PARD3B: variants seen among roughly 807,000 people sequenced by gnomAD.
The protein encoded by PARD3B is partitioning defective 3 homolog B.
In PARD3B, 103 loss-of-function variants were observed where a neutral mutation model predicts 130.2. That is an observed-to-expected ratio of 0.79 (90% CI 0.67 to 0.93). The LOEUF is 0.93. PARD3B is among the 40% of genes least tolerant of loss of function. The pLI is 0.00. For missense variants in PARD3B, 1,609 were observed against 1,499.2 expected, an observed-to-expected ratio of 1.07 and a Z score of -1.21; for synonymous variants, 583 against 553.2, an observed-to-expected ratio of 1.05 and a Z score of -0.76.
chr2:205,141,765 A>T (rs2032974637), intron 10 of PARD3B, among the ~76,000 whole-genome samples: 1 of 152,214 alleles, frequency 6.6e-6, no homozygotes, highest in Non-Finnish European at 1.5e-5. Flanking sequence ...CCATTTGATG[A>T]TGGTGATGGT....
chr2:205,266,900 C>T (rs1473845185), intron 16 of PARD3B, among the ~76,000 whole-genome samples: 1 of 152,046 alleles, frequency 6.6e-6, no homozygotes, highest in African/African-American at 2.4e-5. Context: ...AGTTTTAGGG[C>T]TTGTTATTGA....
intron 16 of PARD3B, among the ~76,000 whole-genome samples, chr2:205,275,520 A>G (rs1315246203): frequency 6.6e-6 from 1 of 152,112 alleles, no homozygotes; most frequent in Non-Finnish European, 1.5e-5. Flanking sequence ...TATTTTATCT[A>G]TTGAAAATCA....
chr2:204,563,257 C>CTCTCTCTCTCTCTCTCTT (rs1553542030), intron 1 of PARD3B, among the ~76,000 whole-genome samples: 34 of 142,758 alleles, frequency 2.4e-4, no homozygotes, highest in African/African-American at 8.9e-4. Context: ...CTCTCTCTCT[C>CTCTCTCTCTCTCTCTCTT]TCTCTCTCTT....
rs182091766 is a variant in PARD3B at position 205,518,942 on chromosome 2, C to T, written c.3180+18911C>T. Among the ~76,000 whole-genome samples, 801 of 152,270 alleles carry T rather than the reference C, an allele frequency of 5.3e-3. 2 individuals carry two copies. The highest frequency in any genetic ancestry group is 8.7e-3 in the Non-Finnish European group (595 of 68,022). The stretch of plus-strand genomic sequence containing the variant: ...ACTCTTCTGGCTTGTAGGATTTCAG[C>T]CGAGAGGTCTGCCATTAGCCTCGAT... On this transcript the variant is annotated intron_variant, in intron 21 of 22. Coordinates refer to ENST00000406610, the MANE Select transcript of PARD3B (RefSeq NM_001302769.2).
At position 205,121,743 on chromosome 2, in the gene PARD3B, C is replaced by T. The variant is rs766707171; in HGVS notation, c.959C>T (p.Pro320Leu). The T allele has an allele frequency of 1.2e-6, 2 of 1,614,120 alleles. No homozygotes were observed. The highest frequency in any genetic ancestry group is 3.3e-5 in the Admixed American group (2 of 60,000). ...GGCGTTTTGAAAACCAAAGTGCCGC[C>T]TCCTGTCCATGGAAAATCGGGACTA... is the stretch of plus-strand genomic sequence containing the variant. ...NDGVLKTKVPPPVHGKSGLKT... is the reference protein window; with the variant it reads ...NDGVLKTKVPLPVHGKSGLKT... The change falls in exon 8 of 23, where the codon CCT becomes CTT. Residue 320 changes from proline (P) to leucine (L), a missense_variant. Transcript: ENST00000406610. This position sits in a 1 kb window ranked among gnomAD's most constrained non-coding sequence, Gnocchi z 5.0.
At chr2:205,518,956 A>T (rs1466984361) in intron 21 of PARD3B, among the ~76,000 whole-genome samples, 1 of 152,148 alleles carries the variant, frequency 6.6e-6, no homozygotes, top group African/African-American at 2.4e-5. Context: ...GAGGTCTGCC[A>T]TTAGCCTCGA....
chr2:205,259,135 A>G lies in PARD3B; in HGVS notation c.2185+13313A>G, dbSNP rs115507228. Among the ~76,000 whole-genome samples the G allele has an allele frequency of 9.7e-3, 1,471 of 152,208 alleles. 18 individuals are homozygous for G. The highest frequency in any genetic ancestry group is 0.018 in the African/African-American group (741 of 41,550). ...TATTTTTTGGTCCCGCAAATTATAT[A>G]TTAATTTCAGTGTTTTATGCATTCA... On this transcript the variant is annotated intron_variant, in intron 16 of 22. Transcript: ENST00000406610.
chr2:205,364,012 C>T (rs1176512761), intron 18 of PARD3B, among the ~76,000 whole-genome samples: 1 of 151,804 alleles, frequency 6.6e-6, no homozygotes, highest in African/African-American at 2.4e-5. Context: ...GTGAACACAG[C>T]GAAGGCACCC....
At chr2:204,687,201 T>C (rs1245379298) in intron 2 of PARD3B, among the ~76,000 whole-genome samples, 1 of 152,194 alleles carries the variant, frequency 6.6e-6, no homozygotes, top group Non-Finnish European at 1.5e-5. Flanking sequence ...GTGAAGTTTA[T>C]ATTTTTCTTT....
intron 2 of PARD3B, among the ~76,000 whole-genome samples, chr2:204,828,169 G>A (rs534360418): frequency 6.6e-6 from 1 of 152,262 alleles, no homozygotes; most frequent in South Asian, 2.1e-4. Flanking sequence ...TATTTCTGAT[G>A]CATCACAGTT....
At chr2:204,965,081 G>T in intron 2 of PARD3B, 71 bp from the exon 3 acceptor site, 3 of 1,447,008 alleles carry the variant, frequency 2.1e-6, no homozygotes, top group South Asian at 2.7e-5. Context: ...TAAAGATCAC[G>T]TTCAGCTAGA....
chr2:204,810,486 A>G (rs943975426), intron 2 of PARD3B, among the ~76,000 whole-genome samples: 2 of 152,270 alleles, frequency 1.3e-5, no homozygotes, highest in African/African-American at 2.4e-5. Flanking sequence ...GAATTTTATC[A>G]AAAGCCTTTT....
chr2:204,576,296 T>C (rs1217932264), intron 1 of PARD3B, among the ~76,000 whole-genome samples: 1 of 152,198 alleles, frequency 6.6e-6, no homozygotes, highest in East Asian at 1.9e-4. Flanking sequence ...CTTGCTACAC[T>C]AGAAGTTTGT....
Position 205,616,146 on chromosome 2 carries a change from CT to C in PARD3B, c.*334del. 1 of 271,792 alleles carries C rather than the reference CT, an allele frequency of 3.7e-6. No homozygotes were observed. Among genetic ancestry groups the C allele is most frequent in the Non-Finnish European group, 6.9e-6 (1 of 144,508 alleles). The allele number at this position is 271,792 out of a possible 1,614,324, so 16.8% of individuals were successfully genotyped here. A position where few individuals can be genotyped will look rare whatever the true frequency, so the allele number is the denominator to read the frequency against. On this transcript the variant is annotated 3_prime_UTR_variant, in exon 23 of 23. Coordinates refer to ENST00000406610, the MANE Select transcript of PARD3B (RefSeq NM_001302769.2). ...TGGAACTCTACTCTGGGGATCCTCT[CT>C]GGCTAGATAACCTGTGCTGATGTGC...
chr2:205,376,549 T>G (rs2045061534), intron 18 of PARD3B, among the ~76,000 whole-genome samples: 1 of 152,182 alleles, frequency 6.6e-6, no homozygotes, highest in Non-Finnish European at 1.5e-5. Flanking sequence ...TTTAGTCTGC[T>G]GGTTTCTGTC....
chr2:205,022,870 A>G (rs1387581196), intron 3 of PARD3B, among the ~76,000 whole-genome samples: 2 of 152,172 alleles, frequency 1.3e-5, no homozygotes, highest in African/African-American at 2.4e-5. Context: ...GCATCCTTCT[A>G]CATCTTTCTC....
At chr2:205,448,965 G>A (rs1047310529) in intron 20 of PARD3B, among the ~76,000 whole-genome samples, 17 of 151,918 alleles carry the variant, frequency 1.1e-4, no homozygotes, top group Middle Eastern at 3.4e-3. Flanking sequence ...TCAGGAGTTC[G>A]AGACCAGCCT....
Position 204,664,638 on chromosome 2 carries a change from G to A in PARD3B, c.121-21543G>A, listed in dbSNP as rs1280981457. Among the ~76,000 whole-genome samples the A allele has an allele frequency of 6.6e-6, 1 of 152,106 alleles. No individual in the cohort carries two copies. Among genetic ancestry groups the A allele is most frequent in the East Asian group, 1.9e-4 (1 of 5,198 alleles). The stretch of plus-strand genomic sequence containing the variant: ...TTCCTTTTAAGCACATTTTGGCTCT[G>A]GTAAAATCTATTCTGAAGAACTTAT... On this transcript the variant is annotated intron_variant, in intron 1 of 22. Coordinates refer to ENST00000406610, the MANE Select transcript of PARD3B (RefSeq NM_001302769.2). The surrounding 1 kb of genome is among the most constrained non-coding windows in gnomAD (Gnocchi z 5.2).
chr2:204,895,518 T>C (rs1167879436), intron 2 of PARD3B, among the ~76,000 whole-genome samples: 4 of 152,134 alleles, frequency 2.6e-5, no homozygotes, highest in African/African-American at 9.6e-5. Context: ...ATTAATTTAT[T>C]CTATGAACAT....
Sources: gnomAD v4.1 joint callset for allele counts (sites outside exome capture counted in the v4.1 genomes callset) on GRCh38, gnomAD v4.1.1 for gene constraint, Gnocchi (gnomAD v3.1) non-coding constraint, MANE v1.5 for transcripts, NCBI Gene and HGNC (gene_info 2026-07-23, HGNC 2026-07-21) for gene names.